The following UBXN11 variants were observed in gnomAD, a reference collection of about 807,000 sequenced individuals.
The protein encoded by UBXN11 is UBX domain-containing protein 11.
In UBXN11, 47 loss-of-function variants were observed where a neutral mutation model predicts 62.8. That is an observed-to-expected ratio of 0.75 (90% CI 0.59 to 0.95). UBXN11 has a LOEUF of 0.95. Ranked by LOEUF, UBXN11 falls within the 40% of genes least tolerant of loss-of-function variation. UBXN11 has a pLI of 0.00. For missense variants in UBXN11, 638 were observed against 661.7 expected, an observed-to-expected ratio of 0.96 and a Z score of 0.39; for synonymous variants, 294 against 267.0, an observed-to-expected ratio of 1.10 and a Z score of -0.99.
chr1:26,304,332 A>C (rs965640554), intron 1 of UBXN11, among the ~76,000 whole-genome samples: 2 of 152,026 alleles, frequency 1.3e-5, no homozygotes, highest in African/African-American at 4.8e-5. Context: ...GGGCAGCCTC[A>C]CGGGTTGTAT....
rs373461258 is a variant in UBXN11, at chr1:26,294,192, C to T, written c.559+13G>A. 9.2e-5 allele frequency: 148 copies of T among 1,613,522 alleles called. No individual in the cohort carries two copies. The African/African-American group carries it at 1.7e-3, about 18-fold the overall frequency. On this transcript the variant is annotated intron_variant, in intron 8 of 14. Transcript: ENST00000374222. ...CCTTTTGAAGAGGGCCTGGGGCAGA[C>T]GCCCTGCTCTACCTGGCTTCCAGAA... is the stretch of plus-strand genomic sequence containing the variant.
At chr1:26,293,559 T>C (rs910571579) in intron 8 of UBXN11, among the ~76,000 whole-genome samples, 69 of 151,194 alleles carry the variant, frequency 4.6e-4, no homozygotes, top group Middle Eastern at 3.2e-3. Flanking sequence ...AACCCCGTCT[T>C]TACTAAAAAT....
intron 1 of UBXN11, among the ~76,000 whole-genome samples, chr1:26,306,015 G>A (rs1007513880): frequency 1.3e-5 from 2 of 152,162 alleles, no homozygotes; most frequent in Admixed American, 1.3e-4. Flanking sequence ...AGATTACAAG[G>A]GCCCCTGAAG....
upstream of UBXN11, among the ~76,000 whole-genome samples, chr1:26,309,352 T>C (rs1394902551): frequency 1.3e-5 from 2 of 150,492 alleles, no homozygotes; most frequent in African/African-American, 4.9e-5. Flanking sequence ...GCAATTCTCC[T>C]GCCTCAGCCT....
At chr1:26,301,603 C>T in intron 3 of UBXN11, 91 bp downstream of exon 3, 1 of 1,553,110 alleles carries the variant, frequency 6.4e-7, no homozygotes, top group Non-Finnish European at 8.8e-7. Context: ...CTGACAAGGG[C>T]CTTTCTCGTG....
intron 5 of UBXN11, 140 bp downstream of exon 5, chr1:26,297,822 C>T (rs2073432168): frequency 2.1e-6 from 2 of 966,876 alleles, no homozygotes; most frequent in South Asian, 1.6e-5. Context: ...AGGCCCAGGC[C>T]ACACCTGGTC....
At chr1:26,298,976 C>A (rs1048661478) in intron 4 of UBXN11, among the ~76,000 whole-genome samples, 1 of 152,096 alleles carries the variant, frequency 6.6e-6, no homozygotes, top group Non-Finnish European at 1.5e-5. Flanking sequence ...ACCTGAGCCC[C>A]TGATGATGTC....
chr1:26,315,244 T>C (rs796548908), intron 1 of UBXN11, among the ~76,000 whole-genome samples: 10 of 152,222 alleles, frequency 6.6e-5, no homozygotes, highest in African/African-American at 2.4e-4. Context: ...GTCTGGCATT[T>C]AGTATCCTCG....
At position 26,282,368 on chromosome 1, in the gene UBXN11, ACCGGGACCGGGACTGGGGCC is replaced by A. The variant is rs775023086; in HGVS notation, c.1474_1493del (p.Gly492SerfsTer?). The A allele has an allele frequency of 1.7e-4, 146 of 850,932 alleles. No homozygotes were observed. Among genetic ancestry groups the A allele is most frequent in the Middle Eastern group, 1.4e-3 (4 of 2,868 alleles). The allele number at this position is 850,932 out of a possible 1,614,324, so 52.7% of individuals were successfully genotyped here. The stretch of plus-strand genomic sequence containing the variant: ...GACCGGGACCGGGACTGGGGCCGGG[ACCGGGACCGGGACTGGGGCC>A]GGGACCGGGACCGGGACAGGGACCA... On this transcript the variant is annotated frameshift_variant, in exon 15 of 15. Coordinates refer to ENST00000374222, the MANE Select transcript of UBXN11 (RefSeq NM_001389556.1). LOFTEE classifies it low-confidence loss of function (END_TRUNC).
intron 3 of UBXN11, 112 bp downstream of exon 3, chr1:26,301,582 C>A: frequency 1.4e-6 from 2 of 1,463,622 alleles, no homozygotes; most frequent in Non-Finnish European, 9.3e-7. Context: ...CGGTGGAGGC[C>A]GCTGCTCCAG....
intron 1 of UBXN11, among the ~76,000 whole-genome samples, chr1:26,303,776 GC>G (rs1466732386): frequency 1.3e-5 from 2 of 152,130 alleles, no homozygotes; most frequent in East Asian, 1.9e-4. Context: ...AGGGTTCTGA[GC>G]AGATTCAGAG....
At chr1:26,317,077 A>T (rs2124683832) in intron 1 of UBXN11, among the ~76,000 whole-genome samples, 1 of 151,828 alleles carries the variant, frequency 6.6e-6, no homozygotes. Flanking sequence ...AAAAAAAAAA[A>T]AAAAATACAA....
chr1:26,310,580 T>C (rs539834824), upstream of UBXN11, among the ~76,000 whole-genome samples: 2 of 143,718 alleles, frequency 1.4e-5, no homozygotes, highest in African/African-American at 5.2e-5. Context: ...ATACAAAAAT[T>C]AGCAGGGCAT....
At chr1:26,304,208 C>T (rs965471675) in intron 1 of UBXN11, among the ~76,000 whole-genome samples, 1 of 152,208 alleles carries the variant, frequency 6.6e-6, no homozygotes, top group Non-Finnish European at 1.5e-5. Flanking sequence ...GAGAATCATG[C>T]CCTGCCCCTT....
chr1:26,284,299 G>GC (rs1009949165), intron 11 of UBXN11, 54 bp from the exon 12 acceptor site: 33 of 1,610,316 alleles, frequency 2.0e-5, no homozygotes, highest in African/African-American at 4.0e-5. Flanking sequence ...TGGTGGTGGA[G>GC]CCCCCCTGGA....
At chr1:26,284,957 G>C (rs558246132) in intron 10 of UBXN11, 9 of 999,924 alleles carry the variant, frequency 9.0e-6, no homozygotes, top group Non-Finnish European at 1.1e-5. Context: ...GCTCCCTCCC[G>C]GACACGCCCT....
chr1:26,288,075 T>C (rs181813350), intron 8 of UBXN11, among the ~76,000 whole-genome samples: 1 of 146,476 alleles, frequency 6.8e-6, no homozygotes, highest in Non-Finnish European at 1.5e-5. Context: ...GCTAATTAAT[T>C]TAAAAAAAAA....
At chr1:26,318,295 A>C in exon 1 of UBXN11, 1 of 546,980 alleles carries the variant, frequency 1.8e-6, no homozygotes, top group South Asian at 2.3e-5. Context: ...AGAAACCTGT[A>C]TCCACAGCTG....
intron 7 of UBXN11, 56 bp downstream of exon 7, chr1:26,296,863 C>T (rs1015455687): frequency 9.7e-6 from 15 of 1,539,774 alleles, no homozygotes; most frequent in South Asian, 4.8e-5. Flanking sequence ...AGGAACATGC[C>T]GTGAAGAGCT....
Sources: gnomAD v4.1 joint callset for allele counts (sites outside exome capture counted in the v4.1 genomes callset) on GRCh38, gnomAD v4.1.1 for gene constraint, MANE v1.5 for transcripts, NCBI Gene and HGNC (gene_info 2026-07-23, HGNC 2026-07-21) for gene names.